The following SPACA7 variants were observed in gnomAD, a reference collection of about 807,000 sequenced individuals.
SPACA7 encodes sperm acrosome-associated protein 7.
A neutral mutation model predicts 26.3 loss-of-function variants in SPACA7; 19 were observed. The ratio of observed to expected loss-of-function variants is 0.72; its 90% confidence interval spans 0.50 to 1.06. SPACA7 has a LOEUF of 1.06. Ranked by LOEUF, SPACA7 falls within the 50% of genes least tolerant of loss-of-function variation. SPACA7 has a pLI of 0.00. For synonymous variants in SPACA7, 84 were observed against 84.5 expected (o/e 0.99, Z 0.04); for missense variants, 211 against 229.9 (o/e 0.92, Z 0.53).
At chr13:112,381,247 T>C (rs369760990) in intron 1 of SPACA7, among the ~76,000 whole-genome samples, 1 of 152,082 alleles carries the variant, frequency 6.6e-6, no homozygotes, top group South Asian at 2.1e-4. Flanking sequence ...CCCAGCACTT[T>C]GGGAGGTTAA....
At chr13:112,379,097 A>G (rs1566448667) in intron 1 of SPACA7, among the ~76,000 whole-genome samples, 1 of 152,194 alleles carries the variant, frequency 6.6e-6, no homozygotes. Flanking sequence ...AACCAGAAAC[A>G]TTTCCAAGAA....
intron 1 of SPACA7, among the ~76,000 whole-genome samples, chr13:112,387,978 T>C (rs116571675): frequency 0.014 from 2,184 of 152,250 alleles, 44 homozygotes; most frequent in African/African-American, 0.05. Context: ...AACCTCTGAA[T>C]GGTAATTCAC....
chr13:112,396,873 C>T (rs1885301794), intron 2 of SPACA7, among the ~76,000 whole-genome samples: 1 of 152,188 alleles, frequency 6.6e-6, no homozygotes, highest in Non-Finnish European at 1.5e-5. Context: ...AGGATGGTGT[C>T]CACAGTGCCA....
At chr13:112,392,416 C>A (rs2225179) in intron 1 of SPACA7, among the ~76,000 whole-genome samples, 12,310 of 152,124 alleles carry the variant, frequency 0.081, 1,083 homozygotes, top group East Asian at 0.28. Context: ...GCAGATGGGA[C>A]CACCCTGAAA....
At chr13:112,417,577 C>A (rs983486790) in intron 5 of SPACA7, among the ~76,000 whole-genome samples, 1 of 152,096 alleles carries the variant, frequency 6.6e-6, no homozygotes, top group Non-Finnish European at 1.5e-5. Context: ...AAGGAGCCTA[C>A]TCCTTATTTT....
At chr13:112,394,554 C>G (rs2138925117) in intron 2 of SPACA7, among the ~76,000 whole-genome samples, 1 of 151,842 alleles carries the variant, frequency 6.6e-6, no homozygotes, top group East Asian at 1.9e-4. Flanking sequence ...CTCTGCCTGC[C>G]TGCGTGTTTG....
intron 5 of SPACA7, among the ~76,000 whole-genome samples, chr13:112,430,208 G>GTGTGTGTGTGTC (rs1381101871): frequency 6.6e-6 from 1 of 151,294 alleles, no homozygotes. Flanking sequence ...GTGTGTGTGT[G>GTGTGTGTGTGTC]TCTCACTCTG....
intron 2 of SPACA7, among the ~76,000 whole-genome samples, chr13:112,396,192 C>T (rs1191389837): frequency 1.3e-5 from 2 of 150,290 alleles, no homozygotes; most frequent in African/African-American, 2.4e-5. Context: ...CTGGGTCACA[C>T]TGGGACAGGT....
intron 5 of SPACA7, among the ~76,000 whole-genome samples, chr13:112,431,805 C>G (rs953501152): frequency 6.6e-6 from 1 of 152,188 alleles, no homozygotes; most frequent in Admixed American, 6.5e-5. Flanking sequence ...GGGTGCCCCC[C>G]ACTAGGAAAT....
At chr13:112,422,533 C>T (rs1407607230) in intron 5 of SPACA7, among the ~76,000 whole-genome samples, 1 of 152,202 alleles carries the variant, frequency 6.6e-6, no homozygotes, top group Non-Finnish European at 1.5e-5. Flanking sequence ...CATCCACCAT[C>T]TTTTTGACCA....
At chr13:112,432,184 C>T (rs1429832913) in intron 5 of SPACA7, among the ~76,000 whole-genome samples, 1 of 152,170 alleles carries the variant, frequency 6.6e-6, no homozygotes, top group Non-Finnish European at 1.5e-5. Flanking sequence ...AAAGAGAAAA[C>T]ACAGAGAAAG....
chr13:112,380,405 CAAA>C (rs5806946), intron 1 of SPACA7, among the ~76,000 whole-genome samples: 2 of 74,052 alleles, frequency 2.7e-5, no homozygotes, highest in Non-Finnish European at 5.1e-5. Flanking sequence ...AACTCAGTCT[CAAA>C]AAAAAAAAAA....
intron 5 of SPACA7, among the ~76,000 whole-genome samples, chr13:112,403,398 G>A (rs1250924705): frequency 2.0e-5 from 3 of 151,904 alleles, no homozygotes; most frequent in South Asian, 4.1e-4. Context: ...TGATCTGTCT[G>A]GTTTATCGTT....
chr13:112,382,593 T>C (rs1884152501), intron 1 of SPACA7: 1 of 1,473,144 alleles, frequency 6.8e-7, no homozygotes, highest in Non-Finnish European at 9.1e-7. Context: ...GTAAAAACAT[T>C]ATTACCTTTA....
At chr13:112,430,897 C>G (rs902322016) in intron 5 of SPACA7, among the ~76,000 whole-genome samples, 3 of 152,158 alleles carry the variant, frequency 2.0e-5, no homozygotes, top group Non-Finnish European at 4.4e-5. Flanking sequence ...AATAGCTAAC[C>G]TGAATTATCT....
At chr13:112,420,513 TA>T (rs1432557045) in intron 5 of SPACA7, among the ~76,000 whole-genome samples, 4 of 133,316 alleles carry the variant, frequency 3.0e-5, no homozygotes, top group Non-Finnish European at 6.3e-5. Context: ...TCAATAGAAA[TA>T]AAAACTGAAA....
intron 5 of SPACA7, among the ~76,000 whole-genome samples, chr13:112,403,522 C>A (rs1354169796): frequency 6.6e-6 from 1 of 152,068 alleles, no homozygotes; most frequent in Non-Finnish European, 1.5e-5. Context: ...GCGCACCCAT[C>A]ATCCGAACAG....
intron 5 of SPACA7, among the ~76,000 whole-genome samples, chr13:112,419,493 C>T (rs1007403518): frequency 6.6e-6 from 1 of 152,180 alleles, no homozygotes; most frequent in African/African-American, 2.4e-5. Flanking sequence ...GCTATAAAAG[C>T]CTCTTGCGGA....
At chr13:112,428,855 G>T (rs909917906) in intron 5 of SPACA7, among the ~76,000 whole-genome samples, 5 of 152,282 alleles carry the variant, frequency 3.3e-5, no homozygotes, top group African/African-American at 1.2e-4. Context: ...ATGTCAATTA[G>T]ATCAAGTATG....
Sources: gnomAD v4.1 joint callset for allele counts (sites outside exome capture counted in the v4.1 genomes callset) on GRCh38, gnomAD v4.1.1 for gene constraint, MANE v1.5 for transcripts, NCBI Gene and HGNC (gene_info 2026-07-23, HGNC 2026-07-21) for gene names.